RBP3: variants seen among roughly 807,000 people sequenced by gnomAD.
RBP3 encodes retinol binding protein 3, also known as retinol-binding protein 3.
In RBP3, 50 loss-of-function variants were observed where a neutral mutation model predicts 64.8. The observed-to-expected ratio is 0.77, with a 90% CI of 0.61 to 0.98. The LOEUF (loss-of-function observed/expected upper bound fraction) is 0.98. Among genes scored for constraint, RBP3 ranks in the 50% least tolerant of loss-of-function variants. RBP3 has a pLI of 0.00. For missense variants in RBP3, 1,712 were observed against 1,660.5 expected, an observed-to-expected ratio of 1.03 and a Z score of -0.54; for synonymous variants, 828 against 730.2, an observed-to-expected ratio of 1.13 and a Z score of -2.16.
In RBP3 at chr10:47,351,365, A is replaced by G. The variant is rs782659485; in HGVS notation, c.2881A>G (p.Met961Val). The G allele has an allele frequency of 6.2e-7, 1 of 1,613,568 alleles. No homozygotes were observed. Among genetic ancestry groups the G allele is most frequent in the South Asian group, 1.1e-5 (1 of 91,084 alleles). The change falls in exon 1 of 4, where the codon ATG becomes GTG. Residue 961 changes from methionine to valine, a missense_variant. Transcript: ENST00000584701. ...TGCCTCTGCCGAGCTGGGGGCCAAGATGGCCACCAAACTGAGCGGTCTGCA... is the reference window on the plus strand; with the variant it reads ...TGCCTCTGCCGAGCTGGGGGCCAAGGTGGCCACCAAACTGAGCGGTCTGCA... ...NYASAELGAKMATKLSGLQSR... is the reference protein window; with the variant it reads ...NYASAELGAKVATKLSGLQSR...
chr10:47,352,608 A>G (rs535113587), intron 1 of RBP3, among the ~76,000 whole-genome samples: 2 of 152,372 alleles, frequency 1.3e-5, no homozygotes, highest in Admixed American at 6.5e-5. Context: ...GTCTCTGTCA[A>G]TGAAGTCTCC....
rs781791441 is a variant in RBP3 at position 47,349,520 on chromosome 10, C to A, written c.1036C>A (p.Arg346Ser). The A allele has an allele frequency of 6.2e-7, 1 of 1,613,008 alleles. No individual in the cohort carries two copies. The highest frequency in any genetic ancestry group is 1.3e-5 in the African/African-American group (1 of 75,046). ...GAAGGACTACTACACGCTGGTGGACCGTGTGCCCACCCTGCTGCAGCACTT... is the reference window on the plus strand; with the variant it reads ...GAAGGACTACTACACGCTGGTGGACAGTGTGCCCACCCTGCTGCAGCACTT... ...VLKDYYTLVD[R>S]VPTLLQHLAS... The change falls in exon 1 of 4, where the codon CGT becomes AGT. Residue 346 changes from arginine (R) to serine (S), a missense_variant. Physicochemically the swap from Arg to Ser is moderately radical, Grantham distance 110 (BLOSUM62 -1). Coordinates refer to ENST00000584701, the MANE Select transcript of RBP3 (RefSeq NM_002900.3).
At position 47,350,639 on chromosome 10, in the gene RBP3, G is replaced by T. The variant is rs1836954752; in HGVS notation, c.2155G>T (p.Ala719Ser). Reference sequence around the variant, plus strand: ...AGAGGAAGCACCCCCACCACCCCCTGCTGTCCCCTCTCCAGAGGAGCTCAC... The same window carrying T: ...AGAGGAAGCACCCCCACCACCCCCTTCTGTCCCCTCTCCAGAGGAGCTCAC... ...VVEEAPPPPP[A>S]VPSPEELTYL... The change falls in exon 1 of 4, where the codon GCT becomes TCT. Residue 719 changes from alanine to serine, a missense_variant. By Grantham distance (99) the Ala-to-Ser change is moderately conservative (BLOSUM62 1). Transcript: ENST00000584701. The T allele has an allele frequency of 6.2e-7, 1 of 1,612,614 alleles. No homozygotes were observed. Among genetic ancestry groups the T allele is most frequent in the Non-Finnish European group, 8.5e-7 (1 of 1,179,972 alleles).
Position 47,357,410 on chromosome 10 carries a change from A to G in RBP3, c.3697A>G (p.Asn1233Asp). 1 of 1,614,038 alleles carries G rather than the reference A, an allele frequency of 6.2e-7. No homozygotes were observed. The highest frequency in any genetic ancestry group is 1.3e-5 in the African/African-American group (1 of 75,068). The change falls in exon 4 of 4, where the codon AAC becomes GAC. Residue 1233 changes from asparagine (N) to aspartate (D), a missense_variant. By Grantham distance (23) the Asn-to-Asp change is conservative (BLOSUM62 1). Transcript: ENST00000584701. ...CAGGGCCAAGGAGATGCTCCAGCAC[A>G]ACCAGCTGAGGGTGAAGCGGAGCCC... ...LARAKEMLQH[N>D]QLRVKRSPGL...
In RBP3 at chr10:47,350,631, C is replaced by T; in HGVS notation, c.2147C>T (p.Pro716Leu). 1 of 1,612,902 alleles carries T rather than the reference C, an allele frequency of 6.2e-7. No individual in the cohort carries two copies. The highest frequency in any genetic ancestry group is 8.5e-7 in the Non-Finnish European group (1 of 1,180,040). Residue 716 changes from proline to leucine, a missense_variant, in exon 1 of 4, where the codon CCA becomes CTA. Physicochemically the swap from Pro to Leu is moderately conservative, Grantham distance 98 (BLOSUM62 -3). Transcript: ENST00000584701. Reference protein sequence around the residue: ...GELVVEEAPPPPPAVPSPEEL... With the variant: ...GELVVEEAPPLPPAVPSPEEL... ...CTGGTGGTAGAGGAAGCACCCCCAC[C>T]ACCCCCTGCTGTCCCCTCTCCAGAG...
Position 47,353,366 on chromosome 10 carries a change from C to T in RBP3, c.3096C>T (p.Ser1032=), listed in dbSNP as rs1555211787. 12 of 1,614,104 alleles carry T rather than the reference C, an allele frequency of 7.4e-6. No homozygotes were observed. The highest frequency in any genetic ancestry group is 9.3e-6 in the Non-Finnish European group (11 of 1,180,036). ...TATTTGAAGAGCTGATCAAGTTTTC[C>T]TTCCACACTAACGTGCTTGAGGACA... ...PEVFEELIKF[S]FHTNVLEDNI... Residue 1032 remains serine, a synonymous_variant, in exon 2 of 4, where the codon TCC becomes TCT. Transcript: ENST00000584701.
Position 47,350,230 on chromosome 10 carries a change from G to T in RBP3, c.1746G>T (p.Leu582=), listed in dbSNP as rs782644072. Reference sequence around the variant, plus strand: ...TGCACACCCGCACGGTGCCGCTGCTGGACACACCCGAAGGCAGCCTCGCGC... The same window carrying T: ...TGCACACCCGCACGGTGCCGCTGCTTGACACACCCGAAGGCAGCCTCGCGC... ...NLLHTRTVPL[L]DTPEGSLALT... The change falls in exon 1 of 4, where the codon CTG becomes CTT. Residue 582 remains leucine (L), a synonymous_variant. Transcript: ENST00000584701. 1.2e-6 allele frequency: 2 copies of T among 1,608,280 alleles called. No homozygotes were observed. The highest frequency in any genetic ancestry group is 1.3e-5 in the African/African-American group (1 of 74,928).
At chr10:47,353,017 T>C (rs1178827021) in intron 1 of RBP3, among the ~76,000 whole-genome samples, 1 of 152,080 alleles carries the variant, frequency 6.6e-6, no homozygotes, top group Non-Finnish European at 1.5e-5. Flanking sequence ...CTTAGAGACA[T>C]AGGAAGTATC....
At chr10:47,351,599 C>T in intron 1 of RBP3, 61 bp downstream of exon 1, 19 of 1,588,262 alleles carry the variant, frequency 1.2e-5, no homozygotes, top group Non-Finnish European at 1.6e-5. Context: ...CCATTGTCCG[C>T]ACATGCAGGG....
intron 3 of RBP3, among the ~76,000 whole-genome samples, chr10:47,356,788 G>A (rs1555212010): frequency 1.3e-5 from 2 of 152,276 alleles, no homozygotes; most frequent in African/African-American, 4.8e-5. Context: ...CGGTTTAGGT[G>A]TTCTCATTAT....
Position 47,357,032 on chromosome 10 carries a change from C to A in RBP3, c.3389-70C>A, listed in dbSNP as rs1339698124. ...CCTCCTCCATCACTGCAGGCCCAGGCAGGATAGAGAAGACAGGTGCTCCAG... is the reference window on the plus strand; with the variant it reads ...CCTCCTCCATCACTGCAGGCCCAGGAAGGATAGAGAAGACAGGTGCTCCAG... On this transcript the variant is annotated intron_variant, in intron 3 of 3. Coordinates refer to ENST00000584701, the MANE Select transcript of RBP3 (RefSeq NM_002900.3). 2.8e-6 allele frequency: 4 copies of A among 1,439,944 alleles called. No homozygotes were observed. In the African/African-American group the frequency reaches 4.2e-5, roughly 15 times the overall value. 89.2% of individuals were successfully genotyped at this position (1,439,944 alleles called of 1,614,324 possible).
At chr10:47,353,019 G>C (rs1441185912) in intron 1 of RBP3, among the ~76,000 whole-genome samples, 10 of 152,132 alleles carry the variant, frequency 6.6e-5, no homozygotes. Context: ...TAGAGACATA[G>C]GAAGTATCTG....
chr10:47,353,839 G>A (rs553906773), intron 2 of RBP3, among the ~76,000 whole-genome samples: 1 of 152,034 alleles, frequency 6.6e-6, no homozygotes, highest in South Asian at 2.1e-4. Flanking sequence ...ACTGATTCCT[G>A]GGCCCCACTC....
In RBP3 at chr10:47,348,387, A is replaced by C; in HGVS notation, c.-98A>C. ...CAGACCTTCTGTCCACCAGCTGAGA[A>C]GGACAAGGGCGGAAGGCAGCTGCAC... On this transcript the variant is annotated 5_prime_UTR_variant, in exon 1 of 4. Transcript: ENST00000584701. The C allele has an allele frequency of 7.2e-7, 1 of 1,390,352 alleles. No individual in the cohort carries two copies. Among genetic ancestry groups the C allele is most frequent in the Non-Finnish European group, 9.9e-7 (1 of 1,014,280 alleles). The allele number at this position is 1,390,352 out of a possible 1,614,324, so 86.1% of individuals were successfully genotyped here. A position where few individuals can be genotyped will look rare whatever the true frequency, so the allele number is the denominator to read the frequency against.
In RBP3 at chr10:47,357,383, G is replaced by A. The variant is rs546489667; in HGVS notation, c.3670G>A (p.Ala1224Thr). Residue 1224 changes from alanine (A) to threonine (T), a missense_variant, in exon 4 of 4, where the codon GCC becomes ACC. Ala to Thr is a moderately conservative substitution (Grantham distance 58, BLOSUM62 0). Coordinates refer to ENST00000584701, the MANE Select transcript of RBP3 (RefSeq NM_002900.3). The stretch of plus-strand genomic sequence containing the variant: ...GGTTGTCCCTGCAGAAGAGGCTCTC[G>A]CCAGGGCCAAGGAGATGCTCCAGCA... ...HVVVPAEEALARAKEMLQHNQ... is the reference protein window; with the variant it reads ...HVVVPAEEALTRAKEMLQHNQ... The A allele has an allele frequency of 1.1e-5, 18 of 1,614,042 alleles. No homozygotes were observed. Among genetic ancestry groups the A allele is most frequent in the South Asian group, 6.6e-5 (6 of 91,050 alleles).
Position 47,349,707 on chromosome 10 carries a change from C to T in RBP3, c.1223C>T (p.Ser408Leu), listed in dbSNP as rs1555211173. Residue 408 changes from serine to leucine, a missense_variant, in exon 1 of 4, where the codon TCA (serine) becomes TTA (leucine). Transcript: ENST00000584701. ...GCGCCCGACGCTGCAGCCGAAGACT[C>T]ACCAGGGGTGGCCCCAGAGTTGCCT... ...WPAPDAAAEDSPGVAPELPED... is the reference protein window; with the variant it reads ...WPAPDAAAEDLPGVAPELPED... The T allele has an allele frequency of 2.5e-6, 4 of 1,611,876 alleles. No individual in the cohort carries two copies. The highest frequency in any genetic ancestry group is 1.1e-5 in the South Asian group (1 of 91,084).
Position 47,349,394 on chromosome 10 carries a change from T to G in RBP3, c.910T>G (p.Cys304Gly), listed in dbSNP as rs782063142. ...QTWEGSGVLP[C>G]VGTPAEQALE... ...GTGGGAGGGCAGCGGGGTGCTGCCC[T>G]GTGTGGGGACTCCGGCCGAGCAGGC... The change falls in exon 1 of 4, where the codon TGT (cysteine) becomes GGT (glycine). Residue 304 changes from cysteine to glycine, a missense_variant. By Grantham distance (159) the Cys-to-Gly change is radical. Coordinates refer to ENST00000584701, the MANE Select transcript of RBP3 (RefSeq NM_002900.3). The G allele has an allele frequency of 1.9e-6, 3 of 1,612,028 alleles. No individual in the cohort carries two copies. The highest frequency in any genetic ancestry group is 2.5e-6 in the Non-Finnish European group (3 of 1,179,960).
chr10:47,350,624 C>A lies in RBP3; in HGVS notation c.2140C>A (p.Pro714Thr). The A allele has an allele frequency of 1.9e-6, 3 of 1,612,820 alleles. No homozygotes were observed. The highest frequency in any genetic ancestry group is 1.3e-5 in the African/African-American group (1 of 75,034). The change falls in exon 1 of 4, where the codon CCC becomes ACC. Residue 714 changes from proline (P) to threonine (T), a missense_variant. Pro to Thr is a conservative substitution (Grantham distance 38). Coordinates refer to ENST00000584701, the MANE Select transcript of RBP3 (RefSeq NM_002900.3). ...TGGCGAGCTGGTGGTAGAGGAAGCA[C>A]CCCCACCACCCCCTGCTGTCCCCTC... The part of the protein sequence containing the change: ...SPGELVVEEA[P>T]PPPPAVPSPE...
rs1565766878 is a variant in RBP3, at chr10:47,351,091, G to A, written c.2607G>A (p.Gly869=). 1 of 1,612,370 alleles carries A rather than the reference G, an allele frequency of 6.2e-7. No individual in the cohort carries two copies. Among genetic ancestry groups the A allele is most frequent in the Non-Finnish European group, 8.5e-7 (1 of 1,180,004 alleles). ...MQDLQRATVI[G]EPTAGGALSV... Reference sequence around the variant, plus strand: ...ACCTGCAGCGGGCCACGGTCATTGGGGAGCCCACGGCCGGAGGCGCACTCT... The same window carrying A: ...ACCTGCAGCGGGCCACGGTCATTGGAGAGCCCACGGCCGGAGGCGCACTCT... The change falls in exon 1 of 4, where the codon GGG becomes GGA. Residue 869 remains glycine (G), a synonymous_variant. Transcript: ENST00000584701.
Sources: gnomAD v4.1 joint callset for allele counts (sites outside exome capture counted in the v4.1 genomes callset) on GRCh38, gnomAD v4.1.1 for gene constraint, MANE v1.5 for transcripts, NCBI Gene and HGNC (gene_info 2026-07-23, HGNC 2026-07-21) for gene names.